Variants in ADAM32 observed in about 807,000 individuals in gnomAD.
ADAM32 encodes ADAM metallopeptidase domain 32.
Under a neutral mutation model 114.9 loss-of-function variants are expected in ADAM32, and 89 were observed. The observed-to-expected ratio is 0.77, with a 90% CI of 0.65 to 0.92. The LOEUF (loss-of-function observed/expected upper bound fraction) is 0.92. Among genes scored for constraint, ADAM32 ranks in the 40% least tolerant of loss-of-function variants. ADAM32 has a pLI of 0.00. For missense variants in ADAM32, 870 were observed against 932.8 expected (o/e 0.93, Z 0.88); for synonymous variants, 285 against 307.5 (o/e 0.93, Z 0.77).
At chr8:39,158,427 T>C (rs980502358) in intron 6 of ADAM32, 23 of 185,848 alleles carry the variant, frequency 1.2e-4, no homozygotes, top group African/African-American at 4.8e-4. Flanking sequence ...GGGGTTTCCA[T>C]GTAGCCCAGG....
At chr8:39,154,850 A>G (rs1357994726) in intron 6 of ADAM32, among the ~76,000 whole-genome samples, 1 of 149,316 alleles carries the variant, frequency 6.7e-6, no homozygotes, top group African/African-American at 2.4e-5. Context: ...TCTTTTGAGA[A>G]GTGTCTGTTC....
At chr8:39,227,646 AC>A (rs933868407) in intron 14 of ADAM32, among the ~76,000 whole-genome samples, 5 of 150,466 alleles carry the variant, frequency 3.3e-5, no homozygotes, top group African/African-American at 1.2e-4. Context: ...TGGGAATCTC[AC>A]CCCCACCCCA....
intron 11 of ADAM32, among the ~76,000 whole-genome samples, chr8:39,208,535 C>A (rs1564604323): frequency 6.6e-6 from 1 of 152,110 alleles, no homozygotes; most frequent in Non-Finnish European, 1.5e-5. Context: ...CATTAGCATT[C>A]TTTTCTGTCA....
chr8:39,136,482 A>G (rs1013144408), intron 2 of ADAM32, among the ~76,000 whole-genome samples, 175 bp from the exon 3 acceptor site: 5 of 152,252 alleles, frequency 3.3e-5, no homozygotes, highest in African/African-American at 1.2e-4. Context: ...ACCATTATAA[A>G]ATAAGTAAAT....
At position 39,274,194 on chromosome 8, in the gene ADAM32, A is replaced by G. The variant is rs151259071; in HGVS notation, c.2202-118A>G. The stretch of plus-strand genomic sequence containing the variant: ...GTGACCTTTGGACATCATTTTATTT[A>G]TTAGTAATTAGTCTTTTAAAGAGAT... On this transcript the variant is annotated intron_variant, in intron 20 of 24. Transcript: ENST00000379907. 480 of 926,750 alleles carry G rather than the reference A, an allele frequency of 5.2e-4. 1 individual carries two copies. The African/African-American group carries it at 7.1e-3, about 14-fold the overall frequency. The allele number at this position is 926,750 out of a possible 1,614,324, so 57.4% of individuals were successfully genotyped here.
At chr8:39,224,026 G>A (rs1809174243) in intron 14 of ADAM32, 1 of 152,006 alleles carries the variant, frequency 6.6e-6, no homozygotes, top group Non-Finnish European at 1.5e-5. Context: ...TTGTGTATAT[G>A]TATATATCTA....
chr8:39,140,612 C>T (rs1487646791), intron 3 of ADAM32, among the ~76,000 whole-genome samples: 3 of 152,102 alleles, frequency 2.0e-5, no homozygotes, highest in Non-Finnish European at 4.4e-5. Flanking sequence ...GCCTAAAATT[C>T]TCTTTTTTGT....
intron 10 of ADAM32, among the ~76,000 whole-genome samples, chr8:39,183,254 T>G (rs1462980089): frequency 6.6e-6 from 1 of 152,154 alleles, no homozygotes; most frequent in Non-Finnish European, 1.5e-5. Flanking sequence ...GCCCCACCAC[T>G]ATTTTTCATC....
At chr8:39,235,333 G>T (rs889244889) in intron 16 of ADAM32, among the ~76,000 whole-genome samples, 1 of 152,034 alleles carries the variant, frequency 6.6e-6, no homozygotes, top group Admixed American at 6.6e-5. Context: ...GATATGAAAT[G>T]TATATTTCAA....
intron 5 of ADAM32, 115 bp downstream of exon 5, chr8:39,149,982 T>A: frequency 1.5e-6 from 1 of 656,024 alleles, no homozygotes. Context: ...GGAGATTATT[T>A]AATGATATCC....
intron 11 of ADAM32, among the ~76,000 whole-genome samples, chr8:39,209,532 T>C (rs1808070059): frequency 6.6e-6 from 1 of 152,222 alleles, no homozygotes; most frequent in African/African-American, 2.4e-5. Context: ...TTATTAATGC[T>C]TGTGGATGTA....
At chr8:39,169,077 G>C (rs1805031903) in intron 9 of ADAM32, 1 of 152,158 alleles carries the variant, frequency 6.6e-6, no homozygotes, top group Admixed American at 6.6e-5. Flanking sequence ...GTAGTGGAGA[G>C]GCAGTGCGAT....
At chr8:39,170,784 A>T (rs958287592) in intron 10 of ADAM32, among the ~76,000 whole-genome samples, 5 of 152,096 alleles carry the variant, frequency 3.3e-5, no homozygotes, top group Non-Finnish European at 5.9e-5. Flanking sequence ...AGAAACTGTT[A>T]TTCATTTTTT....
At chr8:39,198,628 T>G (rs1256033580) in intron 11 of ADAM32, among the ~76,000 whole-genome samples, 1 of 152,248 alleles carries the variant, frequency 6.6e-6, no homozygotes, top group Admixed American at 6.5e-5. Context: ...TCCACCCACC[T>G]TGGCCTTTCA....
intron 23 of ADAM32, among the ~76,000 whole-genome samples, chr8:39,283,341 G>T (rs562049297): frequency 6.7e-6 from 1 of 149,946 alleles, no homozygotes; most frequent in Non-Finnish European, 1.5e-5. Flanking sequence ...CCCCCAGGAG[G>T]TTGAGGCTGT....
intron 9 of ADAM32, chr8:39,168,005 C>T (rs779906462): frequency 3.9e-5 from 6 of 152,110 alleles, no homozygotes; most frequent in Non-Finnish European, 8.8e-5. Context: ...TTGACTTCCT[C>T]TTTACCGATT....
intron 3 of ADAM32, among the ~76,000 whole-genome samples, chr8:39,143,393 G>T (rs1384351001): frequency 1.3e-5 from 2 of 152,122 alleles, no homozygotes; most frequent in African/African-American, 4.8e-5. Flanking sequence ...ATGGGGTTTT[G>T]GTGTGGATGT....
At chr8:39,166,959 T>A (rs543754509) in intron 9 of ADAM32, 11 of 152,346 alleles carry the variant, frequency 7.2e-5, no homozygotes, top group African/African-American at 2.6e-4. Flanking sequence ...ATGTATAGAT[T>A]GTGAAGATTT....
rs111886793 is a variant in ADAM32, at chr8:39,283,876, C to T, written c.2357+252C>T. 0.11 allele frequency among the ~76,000 whole-genome samples: 16,239 copies of T among 150,750 alleles called. 2,747 individuals carry two copies. The highest frequency in any genetic ancestry group is 0.36 in the African/African-American group (14,825 of 41,068). ...GCAACCTCAGCCTCCCGCGTTCAAGCGATTCTCCTGCCTCAGCCTCCTGAG... is the reference window on the plus strand; with the variant it reads ...GCAACCTCAGCCTCCCGCGTTCAAGTGATTCTCCTGCCTCAGCCTCCTGAG... On this transcript the variant is annotated intron_variant, in intron 24 of 24. Transcript: ENST00000379907.
Sources: gnomAD v4.1 joint callset for allele counts (sites outside exome capture counted in the v4.1 genomes callset) on GRCh38, gnomAD v4.1.1 for gene constraint, MANE v1.5 for transcripts, NCBI Gene and HGNC (gene_info 2026-07-23, HGNC 2026-07-21) for gene names.